The following ASB2 variants were observed in gnomAD, a reference collection of about 807,000 sequenced individuals.
ASB2 encodes the protein ankyrin repeat and SOCS box protein 2.
Under a neutral mutation model 62.4 loss-of-function variants are expected in ASB2, and 58 were observed. The ratio of observed to expected loss-of-function variants is 0.93; its 90% CI spans 0.75 to 1.16. The LOEUF (loss-of-function observed/expected upper bound fraction) is 1.16, where lower values mean the gene tolerates loss of function less well. Among genes scored for constraint, ASB2 ranks in the 50% most tolerant of loss-of-function variants. ASB2 has a pLI of 0.00. For synonymous variants in ASB2, 386 were observed against 385.3 expected, an observed-to-expected ratio of 1.00 and a Z score of -0.02; for missense variants, 928 against 887.9, an observed-to-expected ratio of 1.05 and a Z score of -0.57.
intron 4 of ASB2, 152 bp downstream of exon 4, chr14:93,954,165 G>C (rs140911134): frequency 1.2e-5 from 8 of 670,538 alleles, no homozygotes; most frequent in Non-Finnish European, 1.8e-5. Context: ...TTCCCCTCTC[G>C]TAACTCCATG....
At chr14:93,934,910 G>A (rs1355812086) in intron 9 of ASB2, 118 bp from the exon 10 acceptor site, 1 of 813,410 alleles carries the variant, frequency 1.2e-6, no homozygotes, top group Non-Finnish European at 2.1e-6. Flanking sequence ...AAGAGAGGGA[G>A]TGCCTGCTGC....
chr14:93,950,015 G>A (rs768460975), intron 6 of ASB2, among the ~76,000 whole-genome samples: 3 of 152,236 alleles, frequency 2.0e-5, no homozygotes, highest in Non-Finnish European at 2.9e-5. Context: ...AGCATGTGCA[G>A]TTTGGAGTCA....
At chr14:93,967,180 C>A (rs1211033741) in intron 1 of ASB2, among the ~76,000 whole-genome samples, 1 of 152,162 alleles carries the variant, frequency 6.6e-6, no homozygotes, top group Non-Finnish European at 1.5e-5. Context: ...CAGGAGGTAC[C>A]TGTGCAGCTG....
intron 1 of ASB2, among the ~76,000 whole-genome samples, chr14:93,965,024 A>G (rs753461059): frequency 2.6e-5 from 4 of 152,042 alleles, no homozygotes; most frequent in Non-Finnish European, 5.9e-5. Flanking sequence ...CTCATCATTC[A>G]TCCATCCATT....
At chr14:93,935,943 T>C (rs1888258316) in intron 9 of ASB2, among the ~76,000 whole-genome samples, 1 of 152,252 alleles carries the variant, frequency 6.6e-6, no homozygotes, top group Non-Finnish European at 1.5e-5. Context: ...GGTTACCTTG[T>C]ACACAGAAGG....
At chr14:93,943,796 A>G (rs1567021438) in intron 7 of ASB2, 5 of 366,436 alleles carry the variant, frequency 1.4e-5, no homozygotes, top group Non-Finnish European at 2.1e-5. Context: ...TTTCTCTTTT[A>G]ACTAATGGGG....
chr14:93,945,099 G>A (rs1010257227), intron 7 of ASB2, among the ~76,000 whole-genome samples: 1 of 152,196 alleles, frequency 6.6e-6, no homozygotes, highest in African/African-American at 2.4e-5. Context: ...GAGACAGTGG[G>A]GCTCCTTCTC....
chr14:93,971,510 C>T (rs564945005), intron 1 of ASB2, among the ~76,000 whole-genome samples: 7 of 152,174 alleles, frequency 4.6e-5, no homozygotes, highest in Non-Finnish European at 1.0e-4. Flanking sequence ...GAACACAGAG[C>T]AAGTGCTGCA....
At chr14:93,964,307 T>C (rs776629726) in intron 2 of ASB2, 27 bp downstream of exon 2, 195 of 1,533,466 alleles carry the variant, frequency 1.3e-4, no homozygotes, top group South Asian at 3.9e-4. Context: ...ATGGCCCCAC[T>C]TCCCTCATCA....
chr14:93,951,180 G>C lies in ASB2; in HGVS notation c.699C>G (p.His233Gln). The C allele has an allele frequency of 6.2e-7, 1 of 1,613,806 alleles. No homozygotes were observed. The highest frequency in any genetic ancestry group is 8.5e-7 in the Non-Finnish European group (1 of 1,179,944). The stretch of plus-strand genomic sequence containing the variant: ...GAGCGGTCCAGCCGCGGTTGCAGCG[G>C]TGGTTGGTGTCTGCATTGTGCTGCA... ...ILVQHNADTNHRCNRGWTALH... is the reference protein window; with the variant it reads ...ILVQHNADTNQRCNRGWTALH... Residue 233 changes from histidine (H) to glutamine (Q), a missense_variant, in exon 6 of 10, where the codon CAC becomes CAG. By Grantham distance (24) the His-to-Gln change is conservative. Transcript: ENST00000555019.
Position 93,950,332 on chromosome 14 carries a change from G to A in ASB2, c.880+667C>T, listed in dbSNP as rs1009883986. On this transcript the variant is annotated intron_variant, in intron 6 of 9. Transcript: ENST00000555019. Reference sequence around the variant, plus strand: ...AGGATATAATGTTCTGAAACCAAAAGCAAGTCTGCCATGTCTCGTGGTCTT... The same window carrying A: ...AGGATATAATGTTCTGAAACCAAAAACAAGTCTGCCATGTCTCGTGGTCTT... 7.9e-5 allele frequency among the ~76,000 whole-genome samples: 12 copies of A among 152,338 alleles called. No homozygotes were observed. In the South Asian group the frequency reaches 1.4e-3, roughly 18 times the overall value.
At chr14:93,965,491 A>G (rs1356019461) in intron 1 of ASB2, among the ~76,000 whole-genome samples, 3 of 152,216 alleles carry the variant, frequency 2.0e-5, no homozygotes, top group Non-Finnish European at 4.4e-5. Flanking sequence ...TGTTAATTCC[A>G]GTGACTCTTT....
Position 93,934,393 on chromosome 14 carries a change from G to T in ASB2, c.*263C>A. ...CCTGGCCCCAGGAATAGAGGTTTCT[G>T]CCATTCCTGAAGGTAGAGAAGGTCT... On this transcript the variant is annotated 3_prime_UTR_variant, in exon 10 of 10. Transcript: ENST00000555019. 1 of 482,212 alleles carries T rather than the reference G, an allele frequency of 2.1e-6. No individual in the cohort carries two copies. Among genetic ancestry groups the T allele is most frequent in the Admixed American group, 3.3e-5 (1 of 30,104 alleles). 29.9% of individuals were successfully genotyped at this position (482,212 alleles called of 1,614,324 possible).
At chr14:93,954,618 T>C in intron 3 of ASB2, 135 bp from the exon 4 acceptor site, 1 of 729,302 alleles carries the variant, frequency 1.4e-6, no homozygotes, top group Non-Finnish European at 2.3e-6. Flanking sequence ...CTCAGCCCCC[T>C]GCAGCCCAGT....
intron 2 of ASB2, among the ~76,000 whole-genome samples, chr14:93,961,545 G>A (rs755265886): frequency 6.6e-6 from 1 of 152,240 alleles, no homozygotes; most frequent in Non-Finnish European, 1.5e-5. Flanking sequence ...CAAGTAAGAG[G>A]TGAAAAACCA....
chr14:93,939,174 C>T lies in ASB2; in HGVS notation c.1551G>A (p.Pro517=), dbSNP rs569775787. 41 of 1,575,608 alleles carry T rather than the reference C, an allele frequency of 2.6e-5. No homozygotes were observed. Among genetic ancestry groups the T allele is most frequent in the Middle Eastern group, 3.4e-4 (2 of 5,806 alleles). The change falls in exon 8 of 10, where the codon CCG becomes CCA. Residue 517 remains proline, a synonymous_variant. Coordinates refer to ENST00000555019, the MANE Select transcript of ASB2 (RefSeq NM_001202429.2). Reference sequence around the variant, plus strand: ...TGAACCTGCTGGAGGGCTGCGGGGCCGGCGGGTGCGGGCCGTTGCCGTAGA... The same window carrying T: ...TGAACCTGCTGGAGGGCTGCGGGGCTGGCGGGTGCGGGCCGTTGCCGTAGA... ...SCLYGNGPHP[P]APQPSSRFND... is the part of the protein sequence containing the mutation.
Position 93,953,363 on chromosome 14 carries a change from G to T in ASB2, c.623C>A (p.Pro208Gln). 1 of 1,584,246 alleles carries T rather than the reference G, an allele frequency of 6.3e-7. No homozygotes were observed. The highest frequency in any genetic ancestry group is 8.6e-7 in the Non-Finnish European group (1 of 1,156,926). The change falls in exon 5 of 10, where the codon CCG becomes CAG. Residue 208 changes from proline to glutamine, a missense_variant. By Grantham distance (76) the Pro-to-Gln change is moderately conservative (BLOSUM62 -1). Transcript: ENST00000555019. Reference protein sequence around the residue: ...PDISNKSRETPLYKACERKNA... With the variant: ...PDISNKSRETQLYKACERKNA... ...GGTGGGGACCTCACCTTTGTAGAGC[G>T]GTGTCTCTCGGGATTTGTTGGAGAT...
intron 2 of ASB2, among the ~76,000 whole-genome samples, chr14:93,957,968 A>T (rs1004873706): frequency 6.6e-6 from 1 of 152,002 alleles, no homozygotes; most frequent in Non-Finnish European, 1.5e-5. Context: ...GGCATGGGGT[A>T]ATTATGACCC....
Position 93,964,432 on chromosome 14 carries a change from C to G in ASB2, c.108G>C (p.Glu36Asp). ...SEDELVQMAI[E>D]QSLADKTRGP... ...CCCTTGTCTTGTCCGCTAGGCTCTG[C>G]TCGATGGCCATCTGCACCAGTTCAT... The change falls in exon 2 of 10, where the codon GAG becomes GAC. Residue 36 changes from glutamate to aspartate, a missense_variant. Glu to Asp is a conservative substitution (Grantham distance 45). Coordinates refer to ENST00000555019, the MANE Select transcript of ASB2 (RefSeq NM_001202429.2). 6.5e-7 allele frequency: 1 copy of G among 1,536,104 alleles called. No homozygotes were observed. Among genetic ancestry groups the G allele is most frequent in the South Asian group, 1.2e-5 (1 of 84,054 alleles).
Sources: allele counts gnomAD v4.1 joint callset (sites outside exome capture counted in the v4.1 genomes callset), GRCh38; gene constraint gnomAD v4.1.1; transcripts MANE v1.5; gene names NCBI Gene and HGNC (gene_info 2026-07-23, HGNC 2026-07-21).